The following MRPL1 variants were observed in gnomAD, a reference collection of about 807,000 sequenced individuals.
MRPL1 encodes mitochondrial ribosomal protein L1.
MRPL1 carries 28 observed loss-of-function variants against 38.0 expected under a neutral mutation model. That is an observed-to-expected ratio of 0.74 (90% CI 0.55 to 1.01). The LOEUF is 1.01. Among genes scored for constraint, MRPL1 ranks in the 50% least tolerant of loss-of-function variants. The pLI is 0.00. For missense variants in MRPL1, 358 were observed against 389.8 expected (o/e 0.92, Z 0.69); for synonymous variants, 123 against 126.7 (o/e 0.97, Z 0.20).
intron 7 of MRPL1, among the ~76,000 whole-genome samples, chr4:77,949,346 C>G (rs1199741045): frequency 6.6e-6 from 1 of 152,164 alleles, no homozygotes; most frequent in Non-Finnish European, 1.5e-5. Flanking sequence ...GAAATTGTCT[C>G]TGTGTGAGAT....
chr4:77,913,607 C>T (rs372311015), intron 7 of MRPL1, among the ~76,000 whole-genome samples: 5 of 152,130 alleles, frequency 3.3e-5, no homozygotes, highest in South Asian at 2.1e-4. Context: ...GTTGCACATC[C>T]GCCTACTATA....
rs113255985 is a variant in MRPL1, at chr4:77,874,276, G to A, written c.143+2421G>A. 6.0e-3 allele frequency among the ~76,000 whole-genome samples: 909 copies of A among 152,204 alleles called. 9 individuals are homozygous for A. The highest frequency in any genetic ancestry group is 0.021 in the African/African-American group (853 of 41,540). ...GCTGGGATTACAGGTGTGAGCTACCGCACCCGGACCGCCTGCATTTAAGTT... is the reference window on the plus strand; with the variant it reads ...GCTGGGATTACAGGTGTGAGCTACCACACCCGGACCGCCTGCATTTAAGTT... On this transcript the variant is annotated intron_variant, in intron 2 of 8. Coordinates refer to ENST00000315567, the MANE Select transcript of MRPL1 (RefSeq NM_020236.4).
intron 7 of MRPL1, 59 bp downstream of exon 7, chr4:77,909,431 A>G (rs1301031960): frequency 2.9e-6 from 3 of 1,042,872 alleles, no homozygotes; most frequent in African/African-American, 3.3e-5. Flanking sequence ...AGTATTCTTC[A>G]GTAATTTATA....
intron 6 of MRPL1, 152 bp from the exon 7 acceptor site, chr4:77,909,114 T>G: frequency 1.7e-6 from 1 of 591,180 alleles, no homozygotes; most frequent in Non-Finnish European, 3.0e-6. Context: ...ACTCAATGAA[T>G]GTGAACACCA....
intron 1 of MRPL1, among the ~76,000 whole-genome samples, chr4:77,865,050 C>T (rs906765544): frequency 3.3e-5 from 5 of 152,040 alleles, no homozygotes; most frequent in South Asian, 2.1e-4. Flanking sequence ...CCACCATGCC[C>T]GGCTAATTTT....
In MRPL1 at chr4:77,949,738, A is replaced by G; in HGVS notation, c.778-59A>G. 5 of 1,192,936 alleles carry G rather than the reference A, an allele frequency of 4.2e-6. No individual in the cohort carries two copies. The South Asian group carries it at 6.8e-5, about 16-fold the overall frequency. The allele number at this position is 1,192,936 out of a possible 1,614,324, so 73.9% of individuals were successfully genotyped here. On this transcript the variant is annotated intron_variant, in intron 7 of 8. Transcript: ENST00000315567. ...TTGACTATTTGAAAAATAGTCTAGA[A>G]TAATTTATTATCTTCTTGCTTTCTC...
intron 7 of MRPL1, 76 bp from the exon 8 acceptor site, chr4:77,949,721 T>C: frequency 9.4e-7 from 1 of 1,059,632 alleles, no homozygotes; most frequent in East Asian, 2.6e-5. Flanking sequence ...GGTTGACTAT[T>C]TGAAAAATAG....
chr4:77,944,395 T>C (rs567081989), intron 7 of MRPL1, among the ~76,000 whole-genome samples: 1 of 152,360 alleles, frequency 6.6e-6, no homozygotes, highest in East Asian at 1.9e-4. Context: ...AGATCCTCTT[T>C]GTCCTTCAAA....
At chr4:77,900,037 A>G (rs1484384292) in intron 6 of MRPL1, among the ~76,000 whole-genome samples, 2 of 152,208 alleles carry the variant, frequency 1.3e-5, no homozygotes, top group East Asian at 3.8e-4. Context: ...AATGAGTTTC[A>G]TTATAACATC....
intron 7 of MRPL1, among the ~76,000 whole-genome samples, chr4:77,913,441 A>G (rs1285676997): frequency 2.0e-5 from 3 of 152,182 alleles, no homozygotes; most frequent in Non-Finnish European, 4.4e-5. Flanking sequence ...GAAAACCACA[A>G]TGGGATAACA....
intron 2 of MRPL1, among the ~76,000 whole-genome samples, chr4:77,876,962 G>T (rs546389159): frequency 6.6e-6 from 1 of 152,092 alleles, no homozygotes; most frequent in Non-Finnish European, 1.5e-5. Flanking sequence ...ATGCAATGGC[G>T]TGATCTTGGC....
chr4:77,910,371 C>A (rs75009824), intron 7 of MRPL1, among the ~76,000 whole-genome samples: 4 of 152,294 alleles, frequency 2.6e-5, no homozygotes, highest in African/African-American at 9.6e-5. Context: ...TGCATTATAG[C>A]TAGTAGTCCA....
intron 6 of MRPL1, chr4:77,906,938 C>A: frequency 4.1e-6 from 4 of 983,378 alleles, no homozygotes; most frequent in Non-Finnish European, 4.8e-6. Context: ...CCATTATCTC[C>A]CAATTAGATT....
chr4:77,949,897 G>GT lies in MRPL1; in HGVS notation c.859+20dup, dbSNP rs1336810166. On this transcript the variant is annotated intron_variant, in intron 8 of 8. Transcript: ENST00000315567. ...AATTTGGGTAAGTGGTTTGCTGAGG[G>GT]TAGACTTCCCTATGACCCTGTGAAA... 6.5e-7 allele frequency: 1 copy of GT among 1,535,630 alleles called. No homozygotes were observed. Among genetic ancestry groups the GT allele is most frequent in the East Asian group, 2.3e-5 (1 of 43,844 alleles).
At chr4:77,916,112 A>C (rs535731370) in intron 7 of MRPL1, among the ~76,000 whole-genome samples, 1 of 152,320 alleles carries the variant, frequency 6.6e-6, no homozygotes, top group East Asian at 1.9e-4. Flanking sequence ...TTCTCAAAAA[A>C]TGAATTTGAG....
intron 1 of MRPL1, among the ~76,000 whole-genome samples, chr4:77,863,968 A>T (rs1416174210): frequency 6.7e-6 from 1 of 150,252 alleles, no homozygotes; most frequent in Admixed American, 6.6e-5. Context: ...ATCCTAGGTC[A>T]GTGATACATG....
At chr4:77,918,835 G>T (rs1736488617) in intron 7 of MRPL1, among the ~76,000 whole-genome samples, 1 of 151,980 alleles carries the variant, frequency 6.6e-6, no homozygotes, top group Non-Finnish European at 1.5e-5. Flanking sequence ...ATAATTGTTG[G>T]ATGAATATAT....
intron 7 of MRPL1, among the ~76,000 whole-genome samples, chr4:77,926,316 T>C (rs753180862): frequency 1.5e-4 from 23 of 152,312 alleles, no homozygotes; most frequent in Non-Finnish European, 2.6e-4. Context: ...TATTGAATGC[T>C]GAGAAACTCC....
chr4:77,867,746 C>CTTTTTTTTTTTTTTTTTTTTT, intron 1 of MRPL1, among the ~76,000 whole-genome samples: 1 of 92,032 alleles, frequency 1.1e-5, no homozygotes, highest in Non-Finnish European at 2.1e-5. Flanking sequence ...ATAGTTATTT[C>CTTTTTTTTTTTTTTTTTTTTT]TTTTTTTTTT....
Sources: gnomAD v4.1 joint callset for allele counts (sites outside exome capture counted in the v4.1 genomes callset) on GRCh38, gnomAD v4.1.1 for gene constraint, MANE v1.5 for transcripts, NCBI Gene and HGNC (gene_info 2026-07-23, HGNC 2026-07-21) for gene names.